ZCCHC24: variants seen among roughly 807,000 people sequenced by gnomAD.
ZCCHC24 encodes the protein zinc finger CCHC-type containing 24.
A neutral mutation model predicts 26.2 loss-of-function variants in ZCCHC24; 10 were observed. The observed-to-expected ratio is 0.38, with a 90% CI of 0.24 to 0.65. ZCCHC24 has a LOEUF of 0.65. Ranked by LOEUF, ZCCHC24 falls within the 30% of genes least tolerant of loss-of-function variation. ZCCHC24 has a pLI of 0.54. For missense variants in ZCCHC24, 243 were observed against 329.1 expected (o/e 0.74, Z 2.03); for synonymous variants, 144 against 147.1 (o/e 0.98, Z 0.15).
intron 1 of ZCCHC24, among the ~76,000 whole-genome samples, chr10:79,444,776 C>A (rs943245721): frequency 5.9e-5 from 9 of 152,220 alleles, no homozygotes; most frequent in Non-Finnish European, 1.3e-4. Flanking sequence ...CACTCTCGGT[C>A]CCAGCCCGCG....
At chr10:79,411,668 G>A (rs1281068410) in intron 2 of ZCCHC24, among the ~76,000 whole-genome samples, 1 of 152,168 alleles carries the variant, frequency 6.6e-6, no homozygotes, top group Non-Finnish European at 1.5e-5. Flanking sequence ...CCAAGGCCAG[G>A]GGACTCCAGC....
chr10:79,404,406 G>A (rs541768118), intron 2 of ZCCHC24, among the ~76,000 whole-genome samples: 4 of 152,214 alleles, frequency 2.6e-5, no homozygotes, highest in Non-Finnish European at 4.4e-5. Flanking sequence ...GGATCAGAGC[G>A]GAGGGGCGGG....
At chr10:79,394,039 A>G (rs976226946) in intron 3 of ZCCHC24, among the ~76,000 whole-genome samples, 1 of 152,194 alleles carries the variant, frequency 6.6e-6, no homozygotes, top group African/African-American at 2.4e-5. Flanking sequence ...CTGTCTCACA[A>G]CAGCACACCC....
At chr10:79,405,893 T>C (rs949752560) in intron 2 of ZCCHC24, among the ~76,000 whole-genome samples, 2 of 152,252 alleles carry the variant, frequency 1.3e-5, no homozygotes, top group African/African-American at 4.8e-5. Flanking sequence ...GCCTGGGGGC[T>C]GAGGCCCCCA....
chr10:79,431,963 G>C (rs1857136545), intron 2 of ZCCHC24, among the ~76,000 whole-genome samples: 2 of 152,206 alleles, frequency 1.3e-5, no homozygotes, highest in South Asian at 4.1e-4. Flanking sequence ...CATTGGATCA[G>C]GTGGGGGCCT....
At chr10:79,430,673 TCACACACACACACCACACACACACA>T (rs1857112046) in intron 2 of ZCCHC24, among the ~76,000 whole-genome samples, 1 of 131,126 alleles carries the variant, frequency 7.6e-6, no homozygotes, top group Admixed American at 7.2e-5. Context: ...GCACATACAC[TCACACACACACACCACACACACACA>T]CACACACACA....
At chr10:79,444,484 C>G (rs1857333694) in intron 1 of ZCCHC24, among the ~76,000 whole-genome samples, 1 of 149,524 alleles carries the variant, frequency 6.7e-6, no homozygotes, top group African/African-American at 2.5e-5. Flanking sequence ...CCCCCCCTTT[C>G]TAGCCCCCCT....
At chr10:79,431,454 C>T (rs1001180543) in intron 2 of ZCCHC24, among the ~76,000 whole-genome samples, 1 of 152,140 alleles carries the variant, frequency 6.6e-6, no homozygotes, top group Non-Finnish European at 1.5e-5. Flanking sequence ...GGGATGGGGG[C>T]ACACAGATCA....
At position 79,386,207 on chromosome 10, in the gene ZCCHC24, A is replaced by G. The variant is rs1564630443; in HGVS notation, c.*138T>C. 8.4e-6 allele frequency: 6 copies of G among 713,798 alleles called. No individual in the cohort carries two copies. The highest frequency in any genetic ancestry group is 1.5e-5 in the Non-Finnish European group (6 of 404,998). 44.2% of individuals were successfully genotyped at this position (713,798 alleles called of 1,614,324 possible). On this transcript the variant is annotated 3_prime_UTR_variant, in exon 4 of 4. Coordinates refer to ENST00000372336, the MANE Select transcript of ZCCHC24 (RefSeq NM_153367.4). ...TCAACACACACAAGACAAGGACGCT[A>G]AGAGCCCCCGGCCCAGCCCCGCAGG...
intron 3 of ZCCHC24, among the ~76,000 whole-genome samples, chr10:79,390,727 G>A (rs1856468624): frequency 6.6e-6 from 1 of 152,256 alleles, no homozygotes; most frequent in Non-Finnish European, 1.5e-5. Context: ...CCTGCAGCAA[G>A]GCAAGGCCCA....
intron 2 of ZCCHC24, among the ~76,000 whole-genome samples, chr10:79,402,298 C>T (rs765565042): frequency 2.0e-5 from 3 of 151,870 alleles, no homozygotes; most frequent in Non-Finnish European, 2.9e-5. Context: ...TTTTTTGAGA[C>T]GGAGTCTCGC....
intron 2 of ZCCHC24, among the ~76,000 whole-genome samples, chr10:79,415,739 G>A (rs965613393): frequency 3.9e-5 from 6 of 152,134 alleles, no homozygotes; most frequent in African/African-American, 1.4e-4. Context: ...GGCTGTTAGA[G>A]CCTCTGCCCA....
intron 2 of ZCCHC24, among the ~76,000 whole-genome samples, chr10:79,396,869 G>A (rs1856554242): frequency 1.3e-5 from 2 of 152,212 alleles, no homozygotes; most frequent in South Asian, 4.1e-4. Flanking sequence ...ACAAGGATAA[G>A]GATAGTAACT....
intron 3 of ZCCHC24, among the ~76,000 whole-genome samples, chr10:79,389,832 T>G (rs1589658047): frequency 6.6e-6 from 1 of 152,120 alleles, no homozygotes; most frequent in African/African-American, 2.4e-5. Context: ...GCCAGGCTGG[T>G]CTTGAGCTCC....
chr10:79,425,380 A>G (rs1857012297), intron 2 of ZCCHC24, among the ~76,000 whole-genome samples: 1 of 152,232 alleles, frequency 6.6e-6, no homozygotes, highest in African/African-American at 2.4e-5. Flanking sequence ...CTGGGTGGTG[A>G]AACTACCAGG....
At chr10:79,421,164 G>A (rs1170171991) in intron 2 of ZCCHC24, among the ~76,000 whole-genome samples, 1 of 142,660 alleles carries the variant, frequency 7.0e-6, no homozygotes, top group East Asian at 2.1e-4. Flanking sequence ...TCTATGCCAA[G>A]CCACCACCTG....
At chr10:79,413,914 G>A (rs961385165) in intron 2 of ZCCHC24, among the ~76,000 whole-genome samples, 8 of 152,368 alleles carry the variant, frequency 5.3e-5, no homozygotes, top group Middle Eastern at 3.4e-3. Context: ...ATTCGGGGAT[G>A]TAGCTGTATG....
At chr10:79,393,646 T>G (rs184396858) in intron 3 of ZCCHC24, among the ~76,000 whole-genome samples, 26 of 152,366 alleles carry the variant, frequency 1.7e-4, no homozygotes, top group Admixed American at 1.5e-3. Context: ...CCCAGGGCTC[T>G]GTGACTGCCC....
intron 2 of ZCCHC24, among the ~76,000 whole-genome samples, chr10:79,397,867 T>C (rs1279221394): frequency 6.6e-6 from 1 of 152,118 alleles, no homozygotes; most frequent in Non-Finnish European, 1.5e-5. Context: ...GGGGCCAGAC[T>C]GGAGGTGGAC....
Sources: allele counts gnomAD v4.1 joint callset (sites outside exome capture counted in the v4.1 genomes callset), GRCh38; gene constraint gnomAD v4.1.1; transcripts MANE v1.5; gene names NCBI Gene and HGNC (gene_info 2026-07-23, HGNC 2026-07-21).